FOXN3: variants seen among roughly 807,000 people sequenced by gnomAD.
FOXN3 encodes the protein forkhead box protein N3.
In FOXN3, 7 loss-of-function variants were observed where a neutral mutation model predicts 38.4. The ratio of observed to expected loss-of-function variants is 0.18; its 90% CI spans 0.10 to 0.34. The LOEUF (loss-of-function observed/expected upper bound fraction) is 0.34. Among genes scored for constraint, FOXN3 ranks in the 10% least tolerant of loss-of-function variants. The probability of loss-of-function intolerance (pLI) is 1.00; values close to 1 mark genes in which losing one functional copy is unlikely to be tolerated. For missense variants in FOXN3, 456 were observed against 613.4 expected (o/e 0.74, Z 2.71); for synonymous variants, 230 against 242.2 (o/e 0.95, Z 0.47).
intron 2 of FOXN3, among the ~76,000 whole-genome samples, chr14:89,369,189 G>C (rs1006399459): frequency 3.9e-5 from 6 of 152,154 alleles, no homozygotes; most frequent in Non-Finnish European, 5.9e-5. Flanking sequence ...TCCAAAAACA[G>C]CCAGCTTTTG....
At chr14:89,612,250 T>C (rs1030146913) in intron 1 of FOXN3, among the ~76,000 whole-genome samples, 3 of 152,120 alleles carry the variant, frequency 2.0e-5, no homozygotes, top group African/African-American at 7.2e-5. Flanking sequence ...ATTAAAATAA[T>C]GCAGAGAGCA....
At chr14:89,596,435 C>T (rs1753300998) in intron 1 of FOXN3, among the ~76,000 whole-genome samples, 1 of 152,118 alleles carries the variant, frequency 6.6e-6, no homozygotes, top group African/African-American at 2.4e-5. Flanking sequence ...CTGTGCCCGG[C>T]CTTGTTTAGG....
At chr14:89,359,774 T>C (rs376214835) in intron 2 of FOXN3, among the ~76,000 whole-genome samples, 1 of 152,158 alleles carries the variant, frequency 6.6e-6, no homozygotes, top group African/African-American at 2.4e-5. Flanking sequence ...CTGACCCCGA[T>C]ACTGCAAGGG....
chr14:89,169,290 A>G (rs1887325254), intron 5 of FOXN3, among the ~76,000 whole-genome samples: 1 of 152,054 alleles, frequency 6.6e-6, no homozygotes, highest in Non-Finnish European at 1.5e-5. Context: ...AAATGCAAAA[A>G]ATTAACTGAA....
chr14:89,553,099 C>T (rs1895039724), intron 1 of FOXN3, among the ~76,000 whole-genome samples: 1 of 151,898 alleles, frequency 6.6e-6, no homozygotes, highest in Non-Finnish European at 1.5e-5. Flanking sequence ...GTTAGCTGGG[C>T]ATGGTGGCGT....
chr14:89,436,718 T>A (rs1892283398), intron 1 of FOXN3, among the ~76,000 whole-genome samples: 1 of 152,220 alleles, frequency 6.6e-6, no homozygotes, highest in South Asian at 2.1e-4. Flanking sequence ...TTTCTTGACT[T>A]CCTGTTCACA....
At chr14:89,325,370 C>CTA (rs1566956974) in intron 3 of FOXN3, among the ~76,000 whole-genome samples, 6 of 149,492 alleles carry the variant, frequency 4.0e-5, no homozygotes, top group Non-Finnish European at 8.9e-5. Context: ...ACTACCACCA[C>CTA]CGCCACCACC....
chr14:89,333,717 C>T (rs780889348), intron 3 of FOXN3, among the ~76,000 whole-genome samples: 104 of 124,674 alleles, frequency 8.3e-4, no homozygotes, highest in Non-Finnish European at 1.5e-3. Flanking sequence ...GCGCCAACTG[C>T]ACTCCAGCCT....
In FOXN3 at chr14:89,173,930, C is replaced by A. The variant is rs113913483; in HGVS notation, c.851+6771G>T. ...ATCACTTGAGCCCGGGAGGATGAGG[C>A]TGCAGTGAGCCGTGATTGTGCCACT... On this transcript the variant is annotated intron_variant, in intron 5 of 5. Transcript: ENST00000557258. 3.2e-3 allele frequency among the ~76,000 whole-genome samples: 491 copies of A among 152,234 alleles called. 4 individuals carry two copies. Among genetic ancestry groups the A allele is most frequent in the African/African-American group, 0.011 (477 of 41,526 alleles).
intron 1 of FOXN3, among the ~76,000 whole-genome samples, chr14:89,489,864 A>C (rs1455758165): frequency 1.3e-5 from 2 of 152,198 alleles, no homozygotes; most frequent in Admixed American, 6.5e-5. Flanking sequence ...ACGCGCGCGC[A>C]TGCACACACA....
At chr14:89,403,882 G>A (rs1007733080) in intron 2 of FOXN3, among the ~76,000 whole-genome samples, 10 of 152,142 alleles carry the variant, frequency 6.6e-5, no homozygotes, top group Admixed American at 1.3e-4. Context: ...TATCCATGAA[G>A]GGCCAGAAAA....
At chr14:89,437,484 T>G (rs1297208708) in intron 1 of FOXN3, among the ~76,000 whole-genome samples, 1 of 152,138 alleles carries the variant, frequency 6.6e-6, no homozygotes, top group Non-Finnish European at 1.5e-5. Flanking sequence ...GTCAGAGGCG[T>G]GTGAACCAGG....
chr14:89,353,238 T>C (rs763275016), intron 2 of FOXN3, among the ~76,000 whole-genome samples: 6 of 152,162 alleles, frequency 3.9e-5, no homozygotes, highest in Non-Finnish European at 7.3e-5. Flanking sequence ...GGCTCAGAGA[T>C]GGCATAATAT....
intron 1 of FOXN3, among the ~76,000 whole-genome samples, chr14:89,607,062 T>C (rs889556685): frequency 9.2e-5 from 14 of 152,162 alleles, no homozygotes; most frequent in African/African-American, 3.4e-4. Context: ...ACCTACTAAA[T>C]TGGCAAAAAT....
At chr14:89,382,109 C>T (rs577207836) in intron 2 of FOXN3, among the ~76,000 whole-genome samples, 1 of 152,184 alleles carries the variant, frequency 6.6e-6, no homozygotes, top group South Asian at 2.1e-4. Context: ...ATTCCCCTCG[C>T]CTCTAAGCAG....
intron 1 of FOXN3, among the ~76,000 whole-genome samples, chr14:89,435,853 A>C (rs1892264760): frequency 6.6e-6 from 1 of 152,182 alleles, no homozygotes; most frequent in African/African-American, 2.4e-5. Context: ...CAGTCATGCA[A>C]ACAAGCCCTG....
intron 1 of FOXN3, among the ~76,000 whole-genome samples, chr14:89,428,893 T>C (rs1292214224): frequency 6.6e-6 from 1 of 152,186 alleles, no homozygotes; most frequent in Non-Finnish European, 1.5e-5. Context: ...AGGGAGTGAA[T>C]GGCAGAGCTC....
intron 1 of FOXN3, among the ~76,000 whole-genome samples, chr14:89,452,518 G>A (rs931259367): frequency 6.6e-6 from 1 of 152,184 alleles, no homozygotes; most frequent in Non-Finnish European, 1.5e-5. Flanking sequence ...GAGGCCATCT[G>A]GGTTAGGAAA....
chr14:89,221,699 A>G lies in FOXN3; in HGVS notation c.746-40893T>C, dbSNP rs1261719990. Among the ~76,000 whole-genome samples, 15 of 152,368 alleles carry G rather than the reference A, an allele frequency of 9.8e-5. 1 individual carries two copies. In the East Asian group the frequency reaches 2.7e-3, roughly 27 times the overall value. ...TCTCTCAGTGACACGGCTGGGAAGT[A>G]AAGTATCCCCTCTAAGAGAATTTTC... On this transcript the variant is annotated intron_variant, in intron 4 of 5. Transcript: ENST00000557258.
Sources: gnomAD v4.1 joint callset for allele counts (sites outside exome capture counted in the v4.1 genomes callset) on GRCh38, gnomAD v4.1.1 for gene constraint, MANE v1.5 for transcripts, NCBI Gene and HGNC (gene_info 2026-07-23, HGNC 2026-07-21) for gene names.